Variants in ANO5 observed in about 807,000 individuals in gnomAD.
ANO5 encodes anoctamin-5.
A neutral mutation model predicts 121.0 loss-of-function variants in ANO5; 109 were observed. The ratio of observed to expected loss-of-function variants is 0.90; its 90% CI spans 0.77 to 1.06. The LOEUF (loss-of-function observed/expected upper bound fraction) is 1.06. Ranked by LOEUF, ANO5 falls within the 50% of genes least tolerant of loss-of-function variation. The pLI, the probability that ANO5 is intolerant of heterozygous loss-of-function variation, is 0.00. For synonymous variants in ANO5, 406 were observed against 359.9 expected, an observed-to-expected ratio of 1.13 and a Z score of -1.45; for missense variants, 1,064 against 1,078.5, an observed-to-expected ratio of 0.99 and a Z score of 0.19.
At chr11:22,225,278 G>A (rs1402077480) in intron 5 of ANO5, among the ~76,000 whole-genome samples, 2 of 151,970 alleles carry the variant, frequency 1.3e-5, no homozygotes, top group Non-Finnish European at 2.9e-5. Context: ...GGCAGATAAT[G>A]AGACACAGTC....
chr11:22,242,100 G>A (rs1853452051), intron 9 of ANO5, among the ~76,000 whole-genome samples: 1 of 152,024 alleles, frequency 6.6e-6, no homozygotes, highest in African/African-American at 2.4e-5. Flanking sequence ...TTATTCTTCT[G>A]TATATTGCTA....
intron 9 of ANO5, among the ~76,000 whole-genome samples, chr11:22,242,974 A>C (rs2133678279): frequency 6.6e-6 from 1 of 151,792 alleles, no homozygotes; most frequent in East Asian, 1.9e-4. Flanking sequence ...TCTTTGTTTT[A>C]TTTCATTTCT....
chr11:22,271,084 G>A (rs1431530391), intron 18 of ANO5, among the ~76,000 whole-genome samples: 3 of 152,056 alleles, frequency 2.0e-5, no homozygotes, highest in East Asian at 1.9e-4. Flanking sequence ...ACAGAGTCTC[G>A]CTCTGTCGCT....
rs759644320 is a variant in ANO5, at chr11:22,236,144, C to CT, written c.649-16dup. ...AAAGTTCTGAGATGTGATAGTGTCTCTTTGCACTTACCTTGTAGGTGTACT... is the reference window on the plus strand; with the variant it reads ...AAAGTTCTGAGATGTGATAGTGTCTCTTTTGCACTTACCTTGTAGGTGTACT... On this transcript the variant is annotated intron_variant, in intron 7 of 21. Transcript: ENST00000324559. 1 of 1,517,362 alleles carries CT rather than the reference C, an allele frequency of 6.6e-7. No individual in the cohort carries two copies. Among genetic ancestry groups the CT allele is most frequent in the Non-Finnish European group, 9.2e-7 (1 of 1,092,596 alleles). The allele number at this position is 1,517,362 out of a possible 1,614,324, so 94.0% of individuals were successfully genotyped here. A position where few individuals can be genotyped will look rare whatever the true frequency, so the allele number is the denominator to read the frequency against.
chr11:22,195,806 A>G (rs1363808785), intron 1 of ANO5, among the ~76,000 whole-genome samples: 3 of 152,310 alleles, frequency 2.0e-5, no homozygotes, highest in African/African-American at 7.2e-5. Context: ...GCCTCTGATT[A>G]GGGTGGAGGT....
intron 3 of ANO5, 82 bp from the exon 4 acceptor site, chr11:22,218,164 T>G: frequency 3.9e-6 from 5 of 1,266,668 alleles, no homozygotes; most frequent in African/African-American, 1.6e-5. Context: ...ATACCAAGGG[T>G]TAGTTTGTCT....
intron 8 of ANO5, among the ~76,000 whole-genome samples, chr11:22,237,136 T>C (rs979470176): frequency 6.6e-6 from 1 of 152,202 alleles, no homozygotes; most frequent in Non-Finnish European, 1.5e-5. Context: ...ATTTTTGTTG[T>C]TTCTTTTGTT....
At chr11:22,241,303 ACC>A (rs1409776449) in intron 9 of ANO5, among the ~76,000 whole-genome samples, 2 of 15,234 alleles carry the variant, frequency 1.3e-4, no homozygotes, top group African/African-American at 1.2e-3. Context: ...ATTAATGGTC[ACC>A]CAGGTTGATA....
intron 15 of ANO5, 88 bp downstream of exon 15, chr11:22,259,829 AT>A (rs1203850812): frequency 3.8e-6 from 5 of 1,308,870 alleles, no homozygotes; most frequent in East Asian, 5.0e-5. Flanking sequence ...CCAGGAGTTC[AT>A]TTTCAAAGGA....
intron 20 of ANO5, among the ~76,000 whole-genome samples, chr11:22,275,562 T>A: frequency 6.6e-6 from 1 of 151,866 alleles, no homozygotes; most frequent in East Asian, 1.9e-4. Context: ...CCAGTGACTT[T>A]ATAGAAGAGA....
chr11:22,199,222 A>C (rs1851893330), intron 1 of ANO5, among the ~76,000 whole-genome samples: 1 of 152,188 alleles, frequency 6.6e-6, no homozygotes, highest in African/African-American at 2.4e-5. Context: ...TTGAAGCTTA[A>C]CAGTAGAATA....
rs939744741 is a variant in ANO5 at position 22,239,804 on chromosome 11, C to T, written c.878+120C>T. On this transcript the variant is annotated intron_variant, in intron 9 of 21. Transcript: ENST00000324559. ...ACTACATTTCACAACTTCTTGATTT[C>T]ATATCTACACTATAAATTAGCAATT... is the stretch of plus-strand genomic sequence containing the variant. 1.6e-5 allele frequency: 12 copies of T among 740,286 alleles called. 1 individual carries two copies. In the South Asian group the frequency reaches 1.8e-4, roughly 11 times the overall value. 45.9% of individuals were successfully genotyped at this position (740,286 alleles called of 1,614,324 possible). A position where few individuals can be genotyped will look rare whatever the true frequency, so the allele number is the denominator to read the frequency against.
Position 22,262,231 on chromosome 11 carries a change from T to C in ANO5, c.1733T>C (p.Phe578Ser), listed in dbSNP as rs137854526. The change falls in exon 16 of 22, where the codon TTT (phenylalanine) becomes TCT (serine). Residue 578 changes from phenylalanine to serine, a missense_variant. Phe to Ser is a radical substitution (Grantham distance 155, BLOSUM62 -2). Coordinates refer to ENST00000324559, the MANE Select transcript of ANO5 (RefSeq NM_213599.3). ...TCATCCTGCTTCTACGTAGCTTTCTTTAAAGGGAAGTTCGTAGGCTATCCT... is the reference window on the plus strand; with the variant it reads ...TCATCCTGCTTCTACGTAGCTTTCTCTAAAGGGAAGTTCGTAGGCTATCCT... ...FYSSCFYVAF[F>S]KGKFVGYPGK... is the part of the protein sequence containing the mutation. 353 of 1,613,984 alleles carry C rather than the reference T, an allele frequency of 2.2e-4. No homozygotes were observed. The highest frequency in any genetic ancestry group is 8.0e-4 in the South Asian group (73 of 91,068).
chr11:22,193,516 A>C lies in ANO5; in HGVS notation c.24A>C (p.Glu8Asp). Residue 8 changes from glutamate (E) to aspartate (D), a missense_variant, in exon 1 of 22, where the codon GAA becomes GAC. Coordinates refer to ENST00000324559, the MANE Select transcript of ANO5 (RefSeq NM_213599.3). ...AGATGGGCGACCCGGATCTCCTGGA[A>C]GTGTTGGCGGAGGAAGGTAGGACCG... is the stretch of plus-strand genomic sequence containing the variant. MGDPDLLEVLAEEGEKVN... is the reference protein window; with the variant it reads MGDPDLLDVLAEEGEKVN... 6.2e-7 allele frequency: 1 copy of C among 1,613,078 alleles called. No individual in the cohort carries two copies. The highest frequency in any genetic ancestry group is 8.5e-7 in the Non-Finnish European group (1 of 1,179,790).
rs534867960 is a variant in ANO5 at position 22,247,969 on chromosome 11, T to A, written c.879-2268T>A. On this transcript the variant is annotated intron_variant, in intron 9 of 21. Transcript: ENST00000324559. ...CTGCTACATACTAAATAGCATAGACTAAATATATGTGTGGTACAGATAATG... is the reference window on the plus strand; with the variant it reads ...CTGCTACATACTAAATAGCATAGACAAAATATATGTGTGGTACAGATAATG... 3.3e-3 allele frequency among the ~76,000 whole-genome samples: 495 copies of A among 152,222 alleles called. 1 individual carries two copies. Among genetic ancestry groups the A allele is most frequent in the South Asian group, 7.2e-3 (35 of 4,828 alleles).
chr11:22,254,416 T>A (rs1446459979), intron 12 of ANO5, among the ~76,000 whole-genome samples: 4 of 152,126 alleles, frequency 2.6e-5, no homozygotes, highest in Admixed American at 6.5e-5. Context: ...CACCAATAGA[T>A]ACGTACAAGA....
intron 7 of ANO5, among the ~76,000 whole-genome samples, chr11:22,234,226 C>T (rs1049883928): frequency 2.6e-5 from 4 of 152,090 alleles, no homozygotes; most frequent in African/African-American, 9.7e-5. Context: ...CATTGGTCCT[C>T]TTCAATTAGG....
At position 22,274,603 on chromosome 11, in the gene ANO5, C is replaced by A. The variant is rs1854761623; in HGVS notation, c.2270C>A (p.Pro757His). 3.7e-6 allele frequency: 6 copies of A among 1,606,926 alleles called. No individual in the cohort carries two copies. The East Asian group carries it at 1.3e-4, about 36-fold the overall frequency. ...FIVAFTSDIIPRLVYYYAYST... is the reference protein window; with the variant it reads ...FIVAFTSDIIHRLVYYYAYST... ...GTTGCATTTACGTCAGACATCATTC[C>A]CCGTCTAGTTTACTACTATGCTTAC... is the stretch of plus-strand genomic sequence containing the variant. The change falls in exon 20 of 22, where the codon CCC (proline) becomes CAC (histidine). Residue 757 changes from proline (P) to histidine (H), a missense_variant. Pro to His is a moderately conservative substitution (Grantham distance 77). Coordinates refer to ENST00000324559, the MANE Select transcript of ANO5 (RefSeq NM_213599.3).
intron 2 of ANO5, among the ~76,000 whole-genome samples, chr11:22,208,783 TC>T (rs1852195019): frequency 6.6e-6 from 1 of 151,904 alleles, no homozygotes; most frequent in Non-Finnish European, 1.5e-5. Flanking sequence ...TTTGGCAAAT[TC>T]CTGTGAAGCT....
Sources: gnomAD v4.1 joint callset for allele counts (sites outside exome capture counted in the v4.1 genomes callset) on GRCh38, gnomAD v4.1.1 for gene constraint, MANE v1.5 for transcripts, NCBI Gene and HGNC (gene_info 2026-07-23, HGNC 2026-07-21) for gene names.